Variants in LINGO2 observed in about 807,000 individuals in gnomAD.
LINGO2 encodes leucine rich repeat and Ig domain containing 2, also known as leucine-rich repeat and immunoglobulin-like domain-containing nogo receptor-interacting protein 2.
LINGO2 carries 14 observed loss-of-function variants against 30.6 expected under a neutral mutation model. The observed-to-expected ratio is 0.46, with a 90% CI of 0.30 to 0.72. LINGO2 has a LOEUF of 0.72. Among genes scored for constraint, LINGO2 ranks in the 30% least tolerant of loss-of-function variants. LINGO2 has a pLI of 0.07. For missense variants in LINGO2, 729 were observed against 751.7 expected, an observed-to-expected ratio of 0.97 and a Z score of 0.35; for synonymous variants, 317 against 288.5, an observed-to-expected ratio of 1.10 and a Z score of -1.00.
At chr9:28,012,040 T>A (rs1822581475) in intron 5 of LINGO2, among the ~76,000 whole-genome samples, 1 of 152,196 alleles carries the variant, frequency 6.6e-6, no homozygotes, top group African/African-American at 2.4e-5. Flanking sequence ...GGTGATTATG[T>A]TCTTCTGCCA....
intron 2 of LINGO2, among the ~76,000 whole-genome samples, chr9:28,456,428 T>C (rs1326260616): frequency 6.6e-6 from 1 of 152,166 alleles, no homozygotes; most frequent in Non-Finnish European, 1.5e-5. Flanking sequence ...GTGAATTTCT[T>C]ACAAATAATA....
intron 2 of LINGO2, among the ~76,000 whole-genome samples, chr9:28,450,194 G>C (rs1285111589): frequency 1.3e-5 from 2 of 151,858 alleles, no homozygotes; most frequent in Non-Finnish European, 2.9e-5. Flanking sequence ...GTAATCTGTG[G>C]ACCCCCTGTA....
rs116155194 is a variant in LINGO2 at position 28,666,912 on chromosome 9, T to C, written c.-365+3288A>G. On this transcript the variant is annotated intron_variant, in intron 1 of 5. Coordinates refer to ENST00000379992, the Ensembl canonical transcript of LINGO2. ...TAACAGAATGAAAATACAACAATTA[T>C]AGCATTTTTTAAAAAAATATTCTTT... Among the ~76,000 whole-genome samples the C allele has an allele frequency of 3.1e-3, 476 of 152,268 alleles. 3 individuals carry two copies. The highest frequency in any genetic ancestry group is 0.011 in the African/African-American group (461 of 41,564).
chr9:28,741,491 C>A, the LINGO2 span, among the ~76,000 whole-genome samples: 7 of 151,886 alleles, frequency 4.6e-5, no homozygotes, highest in Admixed American at 4.6e-4. Context: ...GGGCCTAATG[C>A]CTGTGGCCTT....
chr9:28,904,519 A>G, the LINGO2 span, among the ~76,000 whole-genome samples: 2 of 152,038 alleles, frequency 1.3e-5, no homozygotes, highest in Non-Finnish European at 2.9e-5. Flanking sequence ...TGCAGAATAC[A>G]AAAGCAACAT....
intron 1 of LINGO2, among the ~76,000 whole-genome samples, chr9:28,495,009 A>G (rs946856363): frequency 3.3e-5 from 5 of 152,184 alleles, no homozygotes; most frequent in African/African-American, 1.2e-4. Context: ...GGCTGCATAA[A>G]TGTTTTCTTT....
chr9:28,895,286 C>G, the LINGO2 span, among the ~76,000 whole-genome samples: 1 of 152,014 alleles, frequency 6.6e-6, no homozygotes, highest in Non-Finnish European at 1.5e-5. Flanking sequence ...ATCATAAAAA[C>G]AAACAAGCAA....
chr9:28,884,839 A>G, the LINGO2 span, among the ~76,000 whole-genome samples: 1 of 136,176 alleles, frequency 7.3e-6, no homozygotes, highest in East Asian at 2.1e-4. Context: ...TAGCAATTGT[A>G]TATATATACA....
At chr9:28,405,451 T>C (rs1040284842) in intron 2 of LINGO2, among the ~76,000 whole-genome samples, 1 of 152,172 alleles carries the variant, frequency 6.6e-6, no homozygotes, top group African/African-American at 2.4e-5. Context: ...TACTGTCACA[T>C]CAAATTCAAT....
At chr9:28,581,473 G>A (rs556725176) in intron 1 of LINGO2, among the ~76,000 whole-genome samples, 1 of 150,732 alleles carries the variant, frequency 6.6e-6, no homozygotes, top group East Asian at 2.0e-4. Context: ...AAAATCCAAA[G>A]GTCTAAACCC....
At chr9:28,293,886 T>G (rs12236769) in intron 4 of LINGO2, among the ~76,000 whole-genome samples, 11,060 of 152,258 alleles carry the variant, frequency 0.073, 723 homozygotes, top group East Asian at 0.38. Context: ...GAACTCGGTT[T>G]CACTTTCTTC....
chr9:28,645,405 T>C (rs1827793520), intron 1 of LINGO2, among the ~76,000 whole-genome samples: 1 of 152,104 alleles, frequency 6.6e-6, no homozygotes, highest in Non-Finnish European at 1.5e-5. Flanking sequence ...GTATTTAAAA[T>C]AGAAATCAAG....
chr9:28,597,093 C>T (rs925174101), intron 1 of LINGO2, among the ~76,000 whole-genome samples: 1 of 152,090 alleles, frequency 6.6e-6, no homozygotes, highest in Non-Finnish European at 1.5e-5. Flanking sequence ...ATATTCTTCA[C>T]GGGGTTGAAT....
At chr9:28,845,284 T>A in the LINGO2 span, among the ~76,000 whole-genome samples, 1 of 151,890 alleles carries the variant, frequency 6.6e-6, no homozygotes, top group African/African-American at 2.4e-5. Context: ...ATTTTTGACA[T>A]AAAAGATTTG....
chr9:28,311,750 T>G (rs1171513280), intron 3 of LINGO2, among the ~76,000 whole-genome samples: 1 of 152,146 alleles, frequency 6.6e-6, no homozygotes, highest in Non-Finnish European at 1.5e-5. Flanking sequence ...GCTCTACAAT[T>G]TGTGCAGTTA....
At chr9:28,771,506 T>TGAGA in the LINGO2 span, among the ~76,000 whole-genome samples, 213 of 95,114 alleles carry the variant, frequency 2.2e-3, 2 homozygotes, top group African/African-American at 6.4e-3. Flanking sequence ...TGTGTGTGTG[T>TGAGA]GAGAGAGAGA....
chr9:28,360,572 T>A (rs1234460155), intron 3 of LINGO2, among the ~76,000 whole-genome samples: 1 of 152,160 alleles, frequency 6.6e-6, no homozygotes, highest in Non-Finnish European at 1.5e-5. Context: ...CACAAGATTT[T>A]TGAAGGCACT....
the LINGO2 span, among the ~76,000 whole-genome samples, chr9:29,013,543 T>C: frequency 1.3e-5 from 2 of 152,114 alleles, no homozygotes; most frequent in South Asian, 2.1e-4. Flanking sequence ...CATGGAAATA[T>C]AGCCACTTAG....
chr9:29,009,688 T>C, the LINGO2 span, among the ~76,000 whole-genome samples: 1 of 152,042 alleles, frequency 6.6e-6, no homozygotes, highest in Non-Finnish European at 1.5e-5. Flanking sequence ...AACTTTAAAG[T>C]TCATATGGAA....
Sources: allele counts gnomAD v4.1 joint callset (sites outside exome capture counted in the v4.1 genomes callset), GRCh38; gene constraint gnomAD v4.1.1; transcripts MANE v1.5; gene names NCBI Gene and HGNC (gene_info 2026-07-23, HGNC 2026-07-21).